KLRG2: variants seen among roughly 807,000 people sequenced by gnomAD.
KLRG2 encodes killer cell lectin like receptor G2.
KLRG2 carries 39 observed loss-of-function variants against 35.4 expected under a neutral mutation model. The ratio of observed to expected loss-of-function variants is 1.10; its 90% CI spans 0.85 to 1.44. The LOEUF (loss-of-function observed/expected upper bound fraction) is 1.44, where lower values mean the gene tolerates loss of function less well. Among genes scored for constraint, KLRG2 ranks in the 40% most tolerant of loss-of-function variants. The probability of loss-of-function intolerance (pLI) is 0.00; values close to 1 mark genes in which losing one functional copy is unlikely to be tolerated. For missense variants in KLRG2, 632 were observed against 570.9 expected (o/e 1.11, Z -1.09); for synonymous variants, 283 against 265.8 (o/e 1.06, Z -0.63).
downstream of KLRG2, among the ~76,000 whole-genome samples, chr7:139,449,861 G>A (rs1404278769): frequency 1.3e-5 from 2 of 150,536 alleles, no homozygotes; most frequent in Admixed American, 6.6e-5. Context: ...CACCACGCTT[G>A]GCTAATTTTT....
At chr7:139,454,653 TAA>T (rs111967887) in intron 3 of KLRG2, among the ~76,000 whole-genome samples, 13 of 144,988 alleles carry the variant, frequency 9.0e-5, no homozygotes, top group African/African-American at 1.5e-4. Context: ...CCGTTTCTAT[TAA>T]AAAAAAAAAA....
In KLRG2 at chr7:139,469,262, C is replaced by T. The variant is rs538903847; in HGVS notation, c.1005+10365G>A. On this transcript the variant is annotated intron_variant, in intron 3 of 4. Transcript: ENST00000340940. ...GCAGCCTCTGCCTCCCAGGTTCAAG[C>T]GAGTCTCCTGCCTCAGCCTCCCGAA... 1.4e-4 allele frequency among the ~76,000 whole-genome samples: 22 copies of T among 152,250 alleles called. No homozygotes were observed. In the East Asian group the frequency reaches 1.5e-3, roughly 11 times the overall value.
intron 3 of KLRG2, among the ~76,000 whole-genome samples, chr7:139,473,485 C>T (rs956632530): frequency 3.3e-5 from 5 of 152,042 alleles, no homozygotes; most frequent in East Asian, 3.8e-4. Flanking sequence ...CCCTCCCACC[C>T]GACATAGAAC....
At chr7:139,447,033 A>G in the KLRG2 span, among the ~76,000 whole-genome samples, 1,241 of 120,050 alleles carry the variant, frequency 0.01, 17 homozygotes, top group African/African-American at 0.069. Context: ...AGGACCTGCT[A>G]GACTCTGAGA....
chr7:139,482,667 A>C (rs1443967682), intron 1 of KLRG2, among the ~76,000 whole-genome samples: 2 of 152,214 alleles, frequency 1.3e-5, no homozygotes, highest in Non-Finnish European at 2.9e-5. Flanking sequence ...TGCTGGGATT[A>C]CAGGCGTGAG....
the KLRG2 span, among the ~76,000 whole-genome samples, chr7:139,441,302 A>G: frequency 6.6e-6 from 1 of 152,176 alleles, no homozygotes; most frequent in Non-Finnish European, 1.5e-5. Flanking sequence ...ATAAAAAAGG[A>G]TGAGTTCATG....
the KLRG2 span, among the ~76,000 whole-genome samples, chr7:139,445,767 G>GTATATATATATGTGTGTATA: frequency 1.1e-5 from 1 of 89,632 alleles, no homozygotes; most frequent in African/African-American, 1.0e-4. Flanking sequence ...ATATGTGTAT[G>GTATATATATATGTGTGTATA]TATATATATA....
At chr7:139,456,147 T>C (rs1303763809) in intron 3 of KLRG2, among the ~76,000 whole-genome samples, 1 of 152,194 alleles carries the variant, frequency 6.6e-6, no homozygotes, top group East Asian at 1.9e-4. Flanking sequence ...TCAGTTCTTC[T>C]TCCCTAAGAA....
chr7:139,449,687 CTTA>C (rs796423883), downstream of KLRG2, among the ~76,000 whole-genome samples: 1,045 of 147,390 alleles, frequency 7.1e-3, 12 homozygotes, highest in African/African-American at 0.025. Flanking sequence ...CCTCTATATC[CTTA>C]TTCTTTTTTT....
Position 139,453,232 on chromosome 7 carries a change from G to A in KLRG2, c.*355C>T, listed in dbSNP as rs1796400775. 7.0e-6 allele frequency: 3 copies of A among 427,810 alleles called. No homozygotes were observed. Among genetic ancestry groups the A allele is most frequent in the Admixed American group, 4.4e-5 (1 of 22,472 alleles). 26.5% of individuals were successfully genotyped at this position (427,810 alleles called of 1,614,324 possible). A position where few individuals can be genotyped will look rare whatever the true frequency, so the allele number is the denominator to read the frequency against. On this transcript the variant is annotated 3_prime_UTR_variant, in exon 5 of 5. Coordinates refer to ENST00000340940, the MANE Select transcript of KLRG2 (RefSeq NM_198508.4). ...TGAGCCGGAATGAGAACCCAGATTG[G>A]AATCCGCTGTGGTTGTTAACCCTGT...
In KLRG2 at chr7:139,470,896, G is replaced by A. The variant is rs991247866; in HGVS notation, c.1005+8731C>T. Among the ~76,000 whole-genome samples, 5 of 151,556 alleles carry A rather than the reference G, an allele frequency of 3.3e-5. No homozygotes were observed. In the South Asian group the frequency reaches 1.0e-3, roughly 32 times the overall value. ...CTCACTCTATCGCCCAGGCTGGAGTGCAATGGCACGATCTTGGCTCACTGG... is the reference window on the plus strand; with the variant it reads ...CTCACTCTATCGCCCAGGCTGGAGTACAATGGCACGATCTTGGCTCACTGG... On this transcript the variant is annotated intron_variant, in intron 3 of 4. Transcript: ENST00000340940.
intron 3 of KLRG2, among the ~76,000 whole-genome samples, chr7:139,462,634 T>C (rs1009401675): frequency 6.6e-6 from 1 of 152,186 alleles, no homozygotes; most frequent in African/African-American, 2.4e-5. Context: ...TTGACCCCAA[T>C]GCAAACTTGA....
At chr7:139,456,753 C>G (rs967889607) in intron 3 of KLRG2, among the ~76,000 whole-genome samples, 2 of 152,182 alleles carry the variant, frequency 1.3e-5, no homozygotes, top group Non-Finnish European at 2.9e-5. Context: ...TCCGAAGTAG[C>G]TGGGACTGCT....
At chr7:139,454,404 C>T (rs906008569) in intron 3 of KLRG2, among the ~76,000 whole-genome samples, 190 bp from the exon 4 acceptor site, 2 of 152,184 alleles carry the variant, frequency 1.3e-5, no homozygotes, top group African/African-American at 4.8e-5. Context: ...GTTCTGTGCT[C>T]AGGGCTGGGG....
At position 139,453,488 on chromosome 7, in the gene KLRG2, T is replaced by A; in HGVS notation, c.*99A>T. On this transcript the variant is annotated 3_prime_UTR_variant, in exon 5 of 5. Transcript: ENST00000340940. The stretch of plus-strand genomic sequence containing the variant: ...CTTGAGCAGAGCATGAAGACCTGGA[T>A]AACTGGGTCCAGGAAGAGGCTGCCC... 7.7e-7 allele frequency: 1 copy of A among 1,304,430 alleles called. No individual in the cohort carries two copies. The highest frequency in any genetic ancestry group is 1.1e-6 in the Non-Finnish European group (1 of 945,742). 80.8% of individuals were successfully genotyped at this position (1,304,430 alleles called of 1,614,324 possible). A position where few individuals can be genotyped will look rare whatever the true frequency, so the allele number is the denominator to read the frequency against.
chr7:139,466,650 GC>G (rs779396633), intron 3 of KLRG2, among the ~76,000 whole-genome samples: 25 of 151,710 alleles, frequency 1.6e-4, no homozygotes, highest in Non-Finnish European at 3.4e-4. Flanking sequence ...CTCTCTCCTA[GC>G]CGTTTCTAAT....
At chr7:139,441,690 T>C in the KLRG2 span, among the ~76,000 whole-genome samples, 1 of 152,096 alleles carries the variant, frequency 6.6e-6, no homozygotes, top group Non-Finnish European at 1.5e-5. Flanking sequence ...GAGGATCCCT[T>C]GAGCCCAGGG....
chr7:139,442,992 G>T, the KLRG2 span, among the ~76,000 whole-genome samples: 2 of 150,736 alleles, frequency 1.3e-5, no homozygotes, highest in Admixed American at 6.6e-5. Context: ...AGTTTAAAAT[G>T]AATACACAGA....
the KLRG2 span, among the ~76,000 whole-genome samples, chr7:139,434,507 T>C: frequency 3.9e-5 from 6 of 152,210 alleles, no homozygotes; most frequent in Admixed American, 3.9e-4. Flanking sequence ...TCCCTCCCTC[T>C]GTAAGCAGTA....
Sources: allele counts gnomAD v4.1 joint callset (sites outside exome capture counted in the v4.1 genomes callset), GRCh38; gene constraint gnomAD v4.1.1; transcripts MANE v1.5; gene names NCBI Gene and HGNC (gene_info 2026-07-23, HGNC 2026-07-21).